The following PRKG1 variants were observed in gnomAD, a reference collection of about 807,000 sequenced individuals.
PRKG1 encodes the protein cGMP-dependent protein kinase 1.
In PRKG1, 35 loss-of-function variants were observed where a neutral mutation model predicts 88.1. That is an observed-to-expected ratio of 0.40 (90% CI 0.30 to 0.53). The LOEUF is 0.53. Among genes scored for constraint, PRKG1 ranks in the 20% least tolerant of loss-of-function variants. The probability of loss-of-function intolerance (pLI) is 0.59; values close to 1 mark genes in which losing one functional copy is unlikely to be tolerated. For synonymous variants in PRKG1, 303 were observed against 292.5 expected (o/e 1.04, Z -0.37); for missense variants, 540 against 839.8 (o/e 0.64, Z 4.41).
rs1176600400 is a variant in PRKG1 at position 51,513,509 on chromosome 10, A to G, written c.592+45673A>G. Among the ~76,000 whole-genome samples the G allele has an allele frequency of 5.3e-5, 6 of 112,558 alleles. No homozygotes were observed. The East Asian group carries it at 9.9e-4, about 18-fold the overall frequency. 73.8% of individuals were successfully genotyped at this position (112,558 alleles called of 152,430 possible). A position where few individuals can be genotyped will look rare whatever the true frequency, so the allele number is the denominator to read the frequency against. ...CACCAAGCGGACCTAATAGACATCT[A>G]CAGAACTCTCCACCTCAAATCAACA... On this transcript the variant is annotated intron_variant, in intron 3 of 17. Transcript: ENST00000373980.
At chr10:51,281,337 C>A (rs1161954096) in intron 2 of PRKG1, among the ~76,000 whole-genome samples, 2 of 152,150 alleles carry the variant, frequency 1.3e-5, no homozygotes, top group African/African-American at 4.8e-5. Context: ...GCAGTCTGTC[C>A]ATTCTCAGAT....
chr10:50,995,408 T>C (rs1171570543), intron 1 of PRKG1, among the ~76,000 whole-genome samples: 1 of 152,230 alleles, frequency 6.6e-6, no homozygotes, highest in Non-Finnish European at 1.5e-5. Flanking sequence ...TGATCATGTT[T>C]AAAAAGAACA....
chr10:51,864,570 A>G (rs916218555), intron 4 of PRKG1, among the ~76,000 whole-genome samples: 2 of 152,196 alleles, frequency 1.3e-5, no homozygotes, highest in African/African-American at 2.4e-5. Context: ...TCCATTAAGC[A>G]GATACATATT....
Position 52,112,634 on chromosome 10 carries a change from T to C in PRKG1, c.936-21206T>C, listed in dbSNP as rs577636898. ...CTGTTTTCTCTGCTTTTTCTATTCC[T>C]GTGAGAGCTTTCAGCCAAAGCTCTC... On this transcript the variant is annotated intron_variant, in intron 7 of 17. Transcript: ENST00000373980. Among the ~76,000 whole-genome samples the C allele has an allele frequency of 1.1e-4, 16 of 152,300 alleles. No individual in the cohort carries two copies. The South Asian group carries it at 2.9e-3, about 28-fold the overall frequency.
intron 1 of PRKG1, among the ~76,000 whole-genome samples, chr10:51,031,477 A>T (rs533060519): frequency 4.1e-4 from 63 of 152,278 alleles, no homozygotes; most frequent in Middle Eastern, 6.8e-3. Flanking sequence ...CTCTAAATAG[A>T]TATTATTTAT....
intron 3 of PRKG1, among the ~76,000 whole-genome samples, chr10:51,557,736 AC>A (rs1837350285): frequency 6.6e-6 from 1 of 151,984 alleles, no homozygotes; most frequent in African/African-American, 2.4e-5. Flanking sequence ...TTGGGGTTGA[AC>A]CTGAATGATG....
At chr10:51,828,475 G>C (rs1035040014) in intron 4 of PRKG1, among the ~76,000 whole-genome samples, 3 of 152,128 alleles carry the variant, frequency 2.0e-5, no homozygotes, top group African/African-American at 7.2e-5. Context: ...TAATTGCAAA[G>C]GGGGAGAGAA....
At chr10:51,973,282 G>A (rs895968574) in intron 5 of PRKG1, among the ~76,000 whole-genome samples, 9 of 152,146 alleles carry the variant, frequency 5.9e-5, no homozygotes, top group Non-Finnish European at 1.2e-4. Flanking sequence ...TTACTCAGCA[G>A]TCTGTTTTAT....
At chr10:52,258,396 C>A (rs1022895946) in intron 10 of PRKG1, among the ~76,000 whole-genome samples, 1 of 144,134 alleles carries the variant, frequency 6.9e-6, no homozygotes, top group South Asian at 2.2e-4. Flanking sequence ...ATAAAATAAC[C>A]TTTCATTTGA....
chr10:51,945,035 G>A (rs2133038914), intron 5 of PRKG1, among the ~76,000 whole-genome samples: 1 of 151,116 alleles, frequency 6.6e-6, no homozygotes, highest in South Asian at 2.1e-4. Flanking sequence ...TCGTTGATCT[G>A]TCTAATGTTG....
intron 5 of PRKG1, among the ~76,000 whole-genome samples, chr10:52,029,539 A>G (rs145497309): frequency 6.6e-6 from 1 of 152,332 alleles, no homozygotes; most frequent in African/African-American, 2.4e-5. Flanking sequence ...AGGGAAGTAC[A>G]ATCTCAAAGT....
intron 7 of PRKG1, among the ~76,000 whole-genome samples, chr10:52,115,481 G>C (rs1014191712): frequency 3.9e-5 from 6 of 151,958 alleles, no homozygotes; most frequent in Non-Finnish European, 7.4e-5. Flanking sequence ...TATTTCACAG[G>C]CTGTTCCTGG....
intron 4 of PRKG1, among the ~76,000 whole-genome samples, chr10:51,825,355 C>T (rs1433934099): frequency 6.6e-6 from 1 of 152,066 alleles, no homozygotes; most frequent in African/African-American, 2.4e-5. Context: ...GTTATCTGAT[C>T]TTTGTAATGA....
At chr10:51,200,084 TG>T (rs1837873784) in intron 2 of PRKG1, among the ~76,000 whole-genome samples, 2 of 152,142 alleles carry the variant, frequency 1.3e-5, no homozygotes, top group East Asian at 3.8e-4. Flanking sequence ...CTCAAAGTGG[TG>T]GCATGTGGGC....
At chr10:51,480,611 CT>C (rs954309803) in intron 3 of PRKG1, among the ~76,000 whole-genome samples, 1 of 151,686 alleles carries the variant, frequency 6.6e-6, no homozygotes, top group Non-Finnish European at 1.5e-5. Flanking sequence ...GGCTAACAGC[CT>C]TTTGGGTATG....
At chr10:51,258,217 A>G (rs1839615127) in intron 2 of PRKG1, among the ~76,000 whole-genome samples, 1 of 152,146 alleles carries the variant, frequency 6.6e-6, no homozygotes, top group Non-Finnish European at 1.5e-5. Flanking sequence ...CAATATCTCC[A>G]TCCCTGCAGG....
intron 1 of PRKG1, among the ~76,000 whole-genome samples, chr10:51,028,628 A>C (rs1249292009): frequency 6.6e-6 from 1 of 152,186 alleles, no homozygotes; most frequent in East Asian, 1.9e-4. Context: ...GTGGAAAGAC[A>C]AAGAAATTGT....
At chr10:51,243,667 A>T (rs1839212326) in intron 2 of PRKG1, among the ~76,000 whole-genome samples, 1 of 152,176 alleles carries the variant, frequency 6.6e-6, no homozygotes, top group Non-Finnish European at 1.5e-5. Flanking sequence ...GGGCAGTTTC[A>T]TTCCCCATAG....
intron 2 of PRKG1, among the ~76,000 whole-genome samples, chr10:51,251,958 A>T (rs923732124): frequency 4.6e-5 from 7 of 151,828 alleles, no homozygotes; most frequent in African/African-American, 1.7e-4. Context: ...TGAAGACTCA[A>T]GCAATAAGTA....
Sources: allele counts gnomAD v4.1 joint callset (sites outside exome capture counted in the v4.1 genomes callset), GRCh38; gene constraint gnomAD v4.1.1; transcripts MANE v1.5; gene names NCBI Gene and HGNC (gene_info 2026-07-23, HGNC 2026-07-21).